KALRN: variants seen among roughly 807,000 people sequenced by gnomAD.
KALRN encodes the protein kalirin.
KALRN carries 70 observed loss-of-function variants against 353.7 expected under a neutral mutation model. The ratio of observed to expected loss-of-function variants is 0.20; its 90% confidence interval spans 0.16 to 0.24. KALRN has a LOEUF of 0.24. KALRN is among the 10% of genes least tolerant of loss of function. The probability of loss-of-function intolerance (pLI) is 1.00; values close to 1 mark genes in which losing one functional copy is unlikely to be tolerated. For missense variants in KALRN, 2,791 were observed against 3,756.7 expected, an observed-to-expected ratio of 0.74 and a Z score of 6.72; for synonymous variants, 1,391 against 1,434.8, an observed-to-expected ratio of 0.97 and a Z score of 0.69.
intron 1 of KALRN, among the ~76,000 whole-genome samples, chr3:124,150,735 A>G (rs927904983): frequency 1.3e-5 from 2 of 152,242 alleles, no homozygotes; most frequent in African/African-American, 4.8e-5. Context: ...GCAAGTGTAC[A>G]GAAGAGTGCA....
chr3:124,632,678 C>G lies in KALRN; in HGVS notation c.5441C>G (p.Thr1814Ser). The change falls in exon 35 of 60, where the codon ACC (threonine) becomes AGC (serine). Residue 1814 changes from threonine to serine, a missense_variant. Thr to Ser is a moderately conservative substitution (Grantham distance 58). Coordinates refer to ENST00000682506, the MANE Select transcript of KALRN (RefSeq NM_001388419.1). ...TCTCCCAAGCCTGGGGATGAAACAA[C>G]CCCTCAGGGAGACAGCGCTGATGAG... Reference protein sequence around the residue: ...LGSPKPGDETTPQGDSADESK... With the variant: ...LGSPKPGDETSPQGDSADESK... 6.2e-7 allele frequency: 1 copy of G among 1,614,150 alleles called. No individual in the cohort carries two copies. Among genetic ancestry groups the G allele is most frequent in the Non-Finnish European group, 8.5e-7 (1 of 1,180,012 alleles).
At chr3:124,177,739 G>A (rs924533707) in intron 1 of KALRN, among the ~76,000 whole-genome samples, 1 of 152,202 alleles carries the variant, frequency 6.6e-6, no homozygotes, top group East Asian at 1.9e-4. Flanking sequence ...TCATTGACAA[G>A]ATGATTGTGA....
rs542756794 is a variant in KALRN at position 124,182,723 on chromosome 3, G to C, written c.74-45267G>C. 2.6e-5 allele frequency among the ~76,000 whole-genome samples: 4 copies of C among 152,158 alleles called. No individual in the cohort carries two copies. In the East Asian group the frequency reaches 7.7e-4, roughly 29 times the overall value. On this transcript the variant is annotated intron_variant, in intron 1 of 59. Coordinates refer to ENST00000682506, the MANE Select transcript of KALRN (RefSeq NM_001388419.1). Reference sequence around the variant, plus strand: ...AAGAAAAAGACTCAGGAGATTGAGAGATCTGGTGCCCCAGACCCATCTGGC... The same window carrying C: ...AAGAAAAAGACTCAGGAGATTGAGACATCTGGTGCCCCAGACCCATCTGGC...
intron 34 of KALRN, among the ~76,000 whole-genome samples, chr3:124,566,863 C>T (rs2109975773): frequency 6.6e-6 from 1 of 152,312 alleles, no homozygotes; most frequent in South Asian, 2.1e-4. Flanking sequence ...AGGTTGGAAT[C>T]AATTCCTTTT....
intron 3 of KALRN, among the ~76,000 whole-genome samples, chr3:124,252,618 A>G (rs930129451): frequency 6.6e-5 from 10 of 152,254 alleles, no homozygotes; most frequent in Non-Finnish European, 4.4e-5. Context: ...TTAAATGGGT[A>G]GAAAAGACAC....
Position 124,637,439 on chromosome 3 carries a change from A to T in KALRN, c.5664+136A>T, listed in dbSNP as rs918200903. The T allele has an allele frequency of 1.7e-5, 12 of 703,290 alleles. No individual in the cohort carries two copies. The African/African-American group carries it at 1.9e-4, about 11-fold the overall frequency. The allele number at this position is 703,290 out of a possible 1,614,324, so 43.6% of individuals were successfully genotyped here. The stretch of plus-strand genomic sequence containing the variant: ...GATTGCAGCTAATGATGGTTTCTAA[A>T]AAGCTGTACCCCAGAGTCCTTTTTG... On this transcript the variant is annotated intron_variant, in intron 37 of 59. Transcript: ENST00000682506.
intron 33 of KALRN, among the ~76,000 whole-genome samples, chr3:124,538,896 A>C (rs887175726): frequency 2.0e-5 from 3 of 152,214 alleles, no homozygotes; most frequent in African/African-American, 7.2e-5. Flanking sequence ...ATAGGTCCGG[A>C]GAGAGTCAGT....
chr3:124,630,223 T>C (rs1472532603), intron 34 of KALRN, among the ~76,000 whole-genome samples: 3 of 152,212 alleles, frequency 2.0e-5, no homozygotes, highest in African/African-American at 7.2e-5. Flanking sequence ...GTGGTTTTCC[T>C]GCATGCCCAC....
chr3:124,255,303 C>A (rs2071789137), intron 3 of KALRN, among the ~76,000 whole-genome samples: 1 of 152,134 alleles, frequency 6.6e-6, no homozygotes, highest in Non-Finnish European at 1.5e-5. Flanking sequence ...GTCTTTGCTC[C>A]TCATGTGGGC....
chr3:124,495,965 G>GTA lies in KALRN; in HGVS notation c.4833-299_4833-298dup, dbSNP rs768441029. ...CCCAAGTGTGTGTATGTGTATGTAT[G>GTA]TATATATATATATATATATATATAT... On this transcript the variant is annotated intron_variant, in intron 32 of 59. Transcript: ENST00000682506. Among the ~76,000 whole-genome samples the GTA allele has an allele frequency of 4.2e-3, 173 of 41,426 alleles. 1 individual carries two copies. Among genetic ancestry groups the GTA allele is most frequent in the African/African-American group, 0.013 (93 of 7,314 alleles). The allele number at this position is 41,426 out of a possible 152,430, so 27.2% of individuals were successfully genotyped here.
intron 1 of KALRN, among the ~76,000 whole-genome samples, chr3:124,191,077 A>G (rs932226814): frequency 2.0e-5 from 3 of 152,182 alleles, no homozygotes; most frequent in Admixed American, 6.5e-5. Context: ...AAGATACTAA[A>G]AGGATACAGA....
At chr3:124,646,412 A>ATTTTTTTTTTTTTTTTTTTTTTTTTT (rs1559758779) in intron 37 of KALRN, among the ~76,000 whole-genome samples, 2 of 125,536 alleles carry the variant, frequency 1.6e-5, no homozygotes, top group Non-Finnish European at 1.6e-5. Flanking sequence ...TTTTTTTGAG[A>ATTTTTTTTTTTTTTTTTTTTTTTTTT]CAGAGCCTTG....
chr3:124,377,614 G>A (rs546253198), intron 10 of KALRN, among the ~76,000 whole-genome samples: 2 of 152,184 alleles, frequency 1.3e-5, no homozygotes, highest in South Asian at 2.1e-4. Flanking sequence ...CTGTCTACTT[G>A]TTCTATTAAT....
At chr3:124,228,129 C>A in intron 2 of KALRN, 65 bp downstream of exon 2, 1 of 1,271,800 alleles carries the variant, frequency 7.9e-7, no homozygotes, top group Non-Finnish European at 1.2e-6. Flanking sequence ...CACATGTGTT[C>A]AGATTCACTT....
intron 53 of KALRN, 34 bp downstream of exon 53, chr3:124,694,537 C>G: frequency 6.3e-7 from 1 of 1,598,226 alleles, no homozygotes; most frequent in Non-Finnish European, 8.5e-7. Context: ...GCAACAGCAG[C>G]CCCTTGCTTG....
At chr3:124,151,835 T>C in intron 1 of KALRN, 1 of 411,298 alleles carries the variant, frequency 2.4e-6, no homozygotes, top group Non-Finnish European at 4.3e-6. Context: ...GGATCAGTAA[T>C]TCATTTGGAA....
intron 38 of KALRN, 47 bp downstream of exon 38, chr3:124,650,985 G>A: frequency 6.2e-7 from 1 of 1,604,988 alleles, no homozygotes; most frequent in Non-Finnish European, 8.5e-7. Flanking sequence ...TGTGAGTGCG[G>A]TGGACAATGG....
chr3:124,288,062 A>G (rs1386585977), intron 5 of KALRN, among the ~76,000 whole-genome samples: 1 of 151,510 alleles, frequency 6.6e-6, no homozygotes, highest in Admixed American at 6.6e-5. Flanking sequence ...CTTATTAGAG[A>G]TGGGGTTTCG....
Position 124,495,957 on chromosome 3 carries a change from G to GTGTATATATATATATATATA in KALRN, c.4833-353_4833-352insGTATATATATATATATATAT. ...GACCCGTTCCCAAGTGTGTGTATGTGTATGTATGTATATATATATATATAT... is the reference window on the plus strand; with the variant it reads ...GACCCGTTCCCAAGTGTGTGTATGTGTGTATATATATATATATATATATGTATGTATATATATATATATAT... On this transcript the variant is annotated intron_variant, in intron 32 of 59. Coordinates refer to ENST00000682506, the MANE Select transcript of KALRN (RefSeq NM_001388419.1). 4.5e-5 allele frequency among the ~76,000 whole-genome samples: 2 copies of GTGTATATATATATATATATA among 44,228 alleles called. 1 individual carries two copies. Among genetic ancestry groups the GTGTATATATATATATATATA allele is most frequent in the African/African-American group, 1.7e-4 (2 of 11,478 alleles). The allele number at this position is 44,228 out of a possible 152,430, so 29.0% of individuals were successfully genotyped here. A position where few individuals can be genotyped will look rare whatever the true frequency, so the allele number is the denominator to read the frequency against.
Sources: gnomAD v4.1 joint callset for allele counts (sites outside exome capture counted in the v4.1 genomes callset) on GRCh38, gnomAD v4.1.1 for gene constraint, MANE v1.5 for transcripts, NCBI Gene and HGNC (gene_info 2026-07-23, HGNC 2026-07-21) for gene names.